CEP95: variants seen among roughly 807,000 people sequenced by gnomAD.
CEP95 encodes the protein centrosomal protein of 95 kDa.
In CEP95, 98 loss-of-function variants were observed where a neutral mutation model predicts 111.2. The ratio of observed to expected loss-of-function variants is 0.88; its 90% CI spans 0.75 to 1.04. CEP95 has a LOEUF of 1.04. CEP95 is among the 50% of genes least tolerant of loss of function. The pLI, the probability that CEP95 is intolerant of heterozygous loss-of-function variation, is 0.00. For synonymous variants in CEP95, 323 were observed against 327.1 expected, an observed-to-expected ratio of 0.99 and a Z score of 0.14; for missense variants, 1,027 against 977.2, an observed-to-expected ratio of 1.05 and a Z score of -0.68.
chr17:64,533,100 T>A lies in CEP95; in HGVS notation c.1843-17T>A. ...AACAGCATTATTAACCTACTTAACTTCATGTCCCCCTTCAAGATAGAAGAA... is the reference window on the plus strand; with the variant it reads ...AACAGCATTATTAACCTACTTAACTACATGTCCCCCTTCAAGATAGAAGAA... On this transcript the variant is annotated splice_polypyrimidine_tract_variant and intron_variant, in intron 15 of 19. Coordinates refer to ENST00000556440, the MANE Select transcript of CEP95 (RefSeq NM_138363.3). The A allele has an allele frequency of 6.2e-7, 1 of 1,606,866 alleles. No homozygotes were observed. The highest frequency in any genetic ancestry group is 8.5e-7 in the Non-Finnish European group (1 of 1,177,712).
At chr17:64,536,808 C>A in intron 18 of CEP95, 60 bp downstream of exon 18, 1 of 1,534,756 alleles carries the variant, frequency 6.5e-7, no homozygotes, top group South Asian at 1.2e-5. Flanking sequence ...GCCCTTGTGG[C>A]AAAACTTGCT....
chr17:64,509,783 T>C (rs901357800), intron 2 of CEP95, among the ~76,000 whole-genome samples: 9 of 152,076 alleles, frequency 5.9e-5, no homozygotes, highest in African/African-American at 4.8e-5. Context: ...CCCATAGTTA[T>C]GGGTTAAAGT....
At chr17:64,532,519 T>G in intron 14 of CEP95, 1 of 985,404 alleles carries the variant, frequency 1.0e-6, no homozygotes, top group South Asian at 4.7e-5. Context: ...TTCTAAGCAC[T>G]TGCCTACCGG....
At chr17:64,525,642 T>C in intron 8 of CEP95, 128 bp from the exon 9 acceptor site, 2 of 590,576 alleles carry the variant, frequency 3.4e-6, no homozygotes, top group Non-Finnish European at 5.8e-6. Context: ...TTTTGACAAA[T>C]GCACTTCAAA....
chr17:64,524,542 C>G (rs986527667), intron 8 of CEP95, among the ~76,000 whole-genome samples: 1 of 152,130 alleles, frequency 6.6e-6, no homozygotes, highest in African/African-American at 2.4e-5. Context: ...TCTCAAACTC[C>G]TGGCCTCACC....
chr17:64,508,101 TCAC>T lies in CEP95; in HGVS notation c.20-487_20-485del, dbSNP rs1357581127. 3.6e-5 allele frequency: 35 copies of T among 985,356 alleles called. No individual in the cohort carries two copies. The African/African-American group carries it at 5.8e-4, about 16-fold the overall frequency. The allele number at this position is 985,356 out of a possible 1,614,324, so 61.0% of individuals were successfully genotyped here. On this transcript the variant is annotated intron_variant, in intron 1 of 19. Transcript: ENST00000556440. Reference sequence around the variant, plus strand: ...CCAGTTCTTAACAGCCTAAGTTTAATCACCACTTTTTCCGGCACCAGAGAAACC... The same window carrying T: ...CCAGTTCTTAACAGCCTAAGTTTAATCACTTTTTCCGGCACCAGAGAAACC...
At chr17:64,508,276 T>C (rs138190146) in intron 1 of CEP95, 3 of 987,168 alleles carry the variant, frequency 3.0e-6, no homozygotes, top group East Asian at 1.1e-4. Flanking sequence ...TAAATATGTT[T>C]TAACTAAAAA....
chr17:64,522,877 G>A lies in CEP95; in HGVS notation c.891G>A (p.Glu297=), dbSNP rs1460525142. 2.5e-6 allele frequency: 4 copies of A among 1,610,562 alleles called. No individual in the cohort carries two copies. Among genetic ancestry groups the A allele is most frequent in the Non-Finnish European group, 3.4e-6 (4 of 1,178,558 alleles). ...CCCCAGCCGTAAATTCTACTGGAGA[G>A]CATACGGAATTTTCTGGGGTAAGTG... ...HCSPAVNSTG[E]HTEFSGDLDD... Residue 297 remains glutamate, a synonymous_variant, in exon 8 of 20, where the codon GAG becomes GAA. Coordinates refer to ENST00000556440, the MANE Select transcript of CEP95 (RefSeq NM_138363.3).
At position 64,507,031 on chromosome 17, in the gene CEP95, C is replaced by G; in HGVS notation, c.-67C>G. Reference sequence around the variant, plus strand: ...GCCCCAGTGTCGGGTCTGCGTGGATCGGTCCTTCCAGGACACCGTCGCCTT... The same window carrying G: ...GCCCCAGTGTCGGGTCTGCGTGGATGGGTCCTTCCAGGACACCGTCGCCTT... On this transcript the variant is annotated 5_prime_UTR_variant, in exon 1 of 20. In the 5' UTR this introduces an upstream ATG that the reference lacks. Coordinates refer to ENST00000556440, the MANE Select transcript of CEP95 (RefSeq NM_138363.3). 1 of 1,539,730 alleles carries G rather than the reference C, an allele frequency of 6.5e-7. No individual in the cohort carries two copies.
intron 5 of CEP95, among the ~76,000 whole-genome samples, chr17:64,517,636 T>A (rs940840939): frequency 1.3e-5 from 2 of 151,504 alleles, no homozygotes; most frequent in African/African-American, 4.9e-5. Context: ...CTTGAACTCC[T>A]GAGCTTAAGC....
In CEP95 at chr17:64,507,073, T is replaced by A. The variant is rs2038580389; in HGVS notation, c.-25T>A. 6.4e-7 allele frequency: 1 copy of A among 1,550,470 alleles called. No individual in the cohort carries two copies. Among genetic ancestry groups the A allele is most frequent in the Admixed American group, 2.0e-5 (1 of 50,982 alleles). ...CGTCGCCTTCCCGGCCGCGTCGGAG[T>A]CCGGCGGCGACCTGCCTCTGAAACA... On this transcript the variant is annotated 5_prime_UTR_variant, in exon 1 of 20. Coordinates refer to ENST00000556440, the MANE Select transcript of CEP95 (RefSeq NM_138363.3).
At chr17:64,511,469 A>G (rs1392987815) in intron 3 of CEP95, among the ~76,000 whole-genome samples, 1 of 152,226 alleles carries the variant, frequency 6.6e-6, no homozygotes, top group Non-Finnish European at 1.5e-5. Flanking sequence ...TTTGCTTTTG[A>G]AAGAAAAGAA....
Position 64,532,903 on chromosome 17 carries a change from T to C in CEP95, c.1737T>C (p.Ser579=), listed in dbSNP as rs782194631. 2 of 1,613,956 alleles carry C rather than the reference T, an allele frequency of 1.2e-6. No individual in the cohort carries two copies. The highest frequency in any genetic ancestry group is 2.2e-5 in the South Asian group (2 of 91,082). Residue 579 remains serine, a synonymous_variant, in exon 15 of 20, where the codon TCT becomes TCC. Transcript: ENST00000556440. The stretch of plus-strand genomic sequence containing the variant: ...AGCAGTTTCCGTTTCTTTATGTTTC[T>C]GGCCCAACACTAAGCAAAATGTGGA... ...MLEQFPFLYV[S]GPTLSKMWKQ...
chr17:64,537,452 T>G, intron 19 of CEP95, 151 bp from the exon 20 acceptor site: 1 of 1,384,548 alleles, frequency 7.2e-7, no homozygotes. Context: ...TCCTATGATT[T>G]TAACTTTAGT....
At chr17:64,522,674 T>C in intron 7 of CEP95, 28 bp from the exon 8 acceptor site, 1 of 1,562,968 alleles carries the variant, frequency 6.4e-7, no homozygotes, top group Non-Finnish European at 8.8e-7. Flanking sequence ...AATTGCATCG[T>C]AATATCCACT....
rs781835053 is a variant in CEP95 at position 64,526,147 on chromosome 17, G to T, written c.1099G>T (p.Glu367Ter). 1 of 1,613,510 alleles carries T rather than the reference G, an allele frequency of 6.2e-7. No homozygotes were observed. Among genetic ancestry groups the T allele is most frequent in the South Asian group, 1.1e-5 (1 of 91,016 alleles). Residue 367 changes from glutamate to a stop codon, truncating the protein, a stop_gained, in exon 10 of 20, where the codon GAA becomes TAA. Coordinates refer to ENST00000556440, the MANE Select transcript of CEP95 (RefSeq NM_138363.3). LOFTEE classifies it high-confidence loss of function. The part of the protein sequence containing the change: ...QRPRKRLTEQ[E>*]LHDVSEKLSQ... The stretch of plus-strand genomic sequence containing the variant: ...GCCAAGAAAGAGATTAACAGAACAA[G>T]AATTACATGATGTATCAGAAAAACT...
chr17:64,520,837 A>G (rs1345572970), intron 6 of CEP95, among the ~76,000 whole-genome samples: 2 of 152,248 alleles, frequency 1.3e-5, no homozygotes, highest in African/African-American at 2.4e-5. Context: ...TAACTCTGGC[A>G]TCTATTTTTC....
intron 12 of CEP95, among the ~76,000 whole-genome samples, chr17:64,530,178 G>A (rs538949928): frequency 6.6e-6 from 1 of 152,238 alleles, no homozygotes; most frequent in East Asian, 1.9e-4. Flanking sequence ...CTGAGGTCGG[G>A]AGTTCGAGAC....
In CEP95 at chr17:64,534,541, C is replaced by T. The variant is rs781862790; in HGVS notation, c.1918-44C>T. 3.8e-6 allele frequency: 6 copies of T among 1,564,974 alleles called. No individual in the cohort carries two copies. The Admixed American group carries it at 5.1e-5, about 13-fold the overall frequency. On this transcript the variant is annotated intron_variant, in intron 16 of 19. Transcript: ENST00000556440. ...GATGAGAACGCTGGAATCTGCATTC[C>T]TCTTGTCCTTACCCTTCTCTTCCCT... is the stretch of plus-strand genomic sequence containing the variant.
Sources: allele counts gnomAD v4.1 joint callset (sites outside exome capture counted in the v4.1 genomes callset), GRCh38; gene constraint gnomAD v4.1.1; transcripts MANE v1.5; gene names NCBI Gene and HGNC (gene_info 2026-07-23, HGNC 2026-07-21).